Variants in ADAMTSL1 observed in about 807,000 individuals in gnomAD.
The protein encoded by ADAMTSL1 is ADAMTS-like protein 1.
Under a neutral mutation model 201.8 loss-of-function variants are expected in ADAMTSL1, and 126 were observed. The ratio of observed to expected loss-of-function variants is 0.62; its 90% CI spans 0.54 to 0.72. ADAMTSL1 has a LOEUF of 0.72. Among genes scored for constraint, ADAMTSL1 ranks in the 30% least tolerant of loss-of-function variants. The pLI is 0.00. For missense variants in ADAMTSL1, 2,679 were observed against 2,277.8 expected (o/e 1.18, Z -3.59); for synonymous variants, 1,121 against 903.4 (o/e 1.24, Z -4.32).
chr9:18,308,219 T>C (rs1203713326), intron 2 of ADAMTSL1, among the ~76,000 whole-genome samples: 3 of 152,098 alleles, frequency 2.0e-5, no homozygotes, highest in Non-Finnish European at 4.4e-5. Flanking sequence ...TTTATAGCAC[T>C]AAATGCCCAC....
intron 1 of ADAMTSL1, among the ~76,000 whole-genome samples, chr9:18,163,030 G>A (rs545987355): frequency 6.6e-6 from 1 of 152,144 alleles, no homozygotes; most frequent in South Asian, 2.1e-4. Context: ...GGCATAGAGA[G>A]GCAGGAGGAG....
intron 2 of ADAMTSL1, among the ~76,000 whole-genome samples, chr9:18,398,745 C>T (rs374984013): frequency 6.6e-6 from 1 of 152,076 alleles, no homozygotes; most frequent in Non-Finnish European, 1.5e-5. Context: ...AATAGGAGGT[C>T]ACTGAAGGGT....
intron 1 of ADAMTSL1, among the ~76,000 whole-genome samples, chr9:17,947,203 T>G (rs1310921804): frequency 2.6e-5 from 4 of 151,002 alleles, no homozygotes; most frequent in Non-Finnish European, 5.9e-5. Flanking sequence ...ATATATAAAG[T>G]AATTAAAAAC....
At chr9:18,554,569 T>C (rs574684936) in intron 3 of ADAMTSL1, among the ~76,000 whole-genome samples, 64 of 151,844 alleles carry the variant, frequency 4.2e-4, no homozygotes, top group Non-Finnish European at 8.1e-4. Context: ...TGAGTCCTAT[T>C]GTTAGAAACT....
Position 18,024,420 on chromosome 9 carries a change from C to T in ADAMTSL1, c.87+117498C>T, listed in dbSNP as rs562820541. ...TCTCATCCCTTACTCACCTCCCTCC[C>T]TCCTTCCTCTAGTACTCCCTAGTGT... On this transcript the variant is annotated intron_variant, in intron 1 of 29. Coordinates refer to the ADAMTSL1 transcript ENST00000680146. Among the ~76,000 whole-genome samples, 10 of 152,158 alleles carry T rather than the reference C, an allele frequency of 6.6e-5. 1 individual carries two copies. Among genetic ancestry groups the T allele is most frequent in the African/African-American group, 2.4e-4 (10 of 41,536 alleles).
In ADAMTSL1 at chr9:18,829,697, G is replaced by A. The variant is rs1021583627; in HGVS notation, c.4115-146G>A. The A allele has an allele frequency of 1.2e-5, 14 of 1,142,164 alleles. No homozygotes were observed. The East Asian group carries it at 2.8e-4, about 23-fold the overall frequency. 70.8% of individuals were successfully genotyped at this position (1,142,164 alleles called of 1,614,324 possible). A position where few individuals can be genotyped will look rare whatever the true frequency, so the allele number is the denominator to read the frequency against. On this transcript the variant is annotated intron_variant, in intron 22 of 28. Coordinates refer to ENST00000380548, the MANE Select transcript of ADAMTSL1 (RefSeq NM_001040272.6). ...CACCTTGACAGGGACTCCTCTATAGGAAAAATAATGTTAAAAGGCAACAAT... is the reference window on the plus strand; with the variant it reads ...CACCTTGACAGGGACTCCTCTATAGAAAAAATAATGTTAAAAGGCAACAAT...
At chr9:18,021,181 G>T (rs1357632802) in intron 1 of ADAMTSL1, among the ~76,000 whole-genome samples, 3 of 152,114 alleles carry the variant, frequency 2.0e-5, no homozygotes, top group African/African-American at 4.8e-5. Context: ...TGGGCTCTAG[G>T]TTTGATTAAC....
chr9:18,462,422 A>G (rs1188756344), intron 2 of ADAMTSL1, among the ~76,000 whole-genome samples: 1 of 152,208 alleles, frequency 6.6e-6, no homozygotes, highest in East Asian at 1.9e-4. Context: ...TCCTGTCCTT[A>G]TGGAGCTTAC....
At chr9:18,658,831 T>C (rs1220378774) in intron 8 of ADAMTSL1, among the ~76,000 whole-genome samples, 1 of 152,236 alleles carries the variant, frequency 6.6e-6, no homozygotes, top group Non-Finnish European at 1.5e-5. Context: ...TATAATACAA[T>C]GAATAACTTA....
chr9:18,006,797 G>A (rs62553117), intron 1 of ADAMTSL1, among the ~76,000 whole-genome samples: 8,265 of 151,992 alleles, frequency 0.054, 282 homozygotes, highest in South Asian at 0.15. Flanking sequence ...TTGTGATGAC[G>A]ACATTTTACC....
chr9:18,255,403 C>T (rs1831646127), intron 2 of ADAMTSL1, among the ~76,000 whole-genome samples: 1 of 152,052 alleles, frequency 6.6e-6, no homozygotes, highest in African/African-American at 2.4e-5. Context: ...ACGAAACTCT[C>T]AGCAGGTTTC....
At chr9:18,157,910 T>C (rs912846573) in intron 1 of ADAMTSL1, among the ~76,000 whole-genome samples, 1 of 151,902 alleles carries the variant, frequency 6.6e-6, no homozygotes, top group Non-Finnish European at 1.5e-5. Flanking sequence ...ATCTTTTTCT[T>C]CCCCCAGACA....
intron 25 of ADAMTSL1, chr9:18,890,444 G>A: frequency 2.2e-6 from 1 of 453,102 alleles, no homozygotes; most frequent in Non-Finnish European, 4.4e-6. Context: ...GTTGGCACTG[G>A]TGCAGTGCTG....
chr9:18,207,101 A>C (rs1444933096), intron 2 of ADAMTSL1, among the ~76,000 whole-genome samples: 1 of 151,928 alleles, frequency 6.6e-6, no homozygotes, highest in Non-Finnish European at 1.5e-5. Context: ...GGAGGCAGAG[A>C]TTGCAGTGAG....
chr9:18,372,749 G>A (rs1017117221), intron 2 of ADAMTSL1, among the ~76,000 whole-genome samples: 1 of 152,172 alleles, frequency 6.6e-6, no homozygotes, highest in Non-Finnish European at 1.5e-5. Flanking sequence ...AGTAATGAAG[G>A]CTTTGGTTAC....
chr9:18,285,614 A>G lies in ADAMTSL1; in HGVS notation c.207+121633A>G, dbSNP rs374695603. Among the ~76,000 whole-genome samples, 9 of 152,206 alleles carry G rather than the reference A, an allele frequency of 5.9e-5. No individual in the cohort carries two copies. In the South Asian group the frequency reaches 8.3e-4, roughly 14 times the overall value. ...CTTTTTTCTTTTTTTAAAATTATAT[A>G]TAAGGAACCTTGTTGTGGCGGGGTG... On this transcript the variant is annotated intron_variant, in intron 2 of 29. Coordinates refer to the ADAMTSL1 transcript ENST00000680146.
chr9:18,218,078 T>G (rs1373029152), intron 2 of ADAMTSL1, among the ~76,000 whole-genome samples: 1 of 152,076 alleles, frequency 6.6e-6, no homozygotes, highest in Admixed American at 6.6e-5. Flanking sequence ...TAATTTTGAG[T>G]TTTTCCTGAC....
At position 18,896,257 on chromosome 9, in the gene ADAMTSL1, G is replaced by A. The variant is rs1373262197; in HGVS notation, c.4851+3661G>A. On this transcript the variant is annotated intron_variant, in intron 26 of 28. Coordinates refer to ENST00000380548, the MANE Select transcript of ADAMTSL1 (RefSeq NM_001040272.6). ...AACTCTAAGTTGAAAAAGCCAAAGGGACCCACACTAAGATTAAAATCAGTC... is the reference window on the plus strand; with the variant it reads ...AACTCTAAGTTGAAAAAGCCAAAGGAACCCACACTAAGATTAAAATCAGTC... 1.9e-4 allele frequency among the ~76,000 whole-genome samples: 29 copies of A among 152,010 alleles called. 1 individual carries two copies. Among genetic ancestry groups the A allele is most frequent in the Admixed American group, 1.9e-3 (29 of 15,264 alleles).
At chr9:18,825,771 GT>G (rs58274847) in intron 21 of ADAMTSL1, among the ~76,000 whole-genome samples, 456 of 143,722 alleles carry the variant, frequency 3.2e-3, no homozygotes, top group Middle Eastern at 0.018. Context: ...ATGTTACCAG[GT>G]TTTTTTTTTT....
Sources: gnomAD v4.1 joint callset for allele counts (sites outside exome capture counted in the v4.1 genomes callset) on GRCh38, gnomAD v4.1.1 for gene constraint, MANE v1.5 for transcripts, NCBI Gene and HGNC (gene_info 2026-07-23, HGNC 2026-07-21) for gene names.